Variants in VEPH1 observed in about 807,000 individuals in gnomAD.
The protein encoded by VEPH1 is ventricular zone expressed PH domain containing 1.
In VEPH1, 80 loss-of-function variants were observed where a neutral mutation model predicts 85.2. The observed-to-expected ratio is 0.94, with a 90% CI of 0.78 to 1.13. VEPH1 has a LOEUF of 1.13. Ranked by LOEUF, VEPH1 falls within the 50% of genes most tolerant of loss-of-function variation. VEPH1 has a pLI of 0.00. For synonymous variants in VEPH1, 297 were observed against 348.0 expected (o/e 0.85, Z 1.63); for missense variants, 955 against 980.5 (o/e 0.97, Z 0.35).
At position 157,282,587 on chromosome 3, in the gene VEPH1, G is replaced by A. The variant is rs148885257; in HGVS notation, c.2128+3970C>T. On this transcript the variant is annotated intron_variant, in intron 12 of 13. Transcript: ENST00000362010. ...GAGGACAGGAGTGCCAAAACTCTAA[G>A]TTGTTTTTTGTAGGGTGTAAGAACA... 2.1e-3 allele frequency among the ~76,000 whole-genome samples: 313 copies of A among 152,324 alleles called. 2 individuals are homozygous for A. The highest frequency in any genetic ancestry group is 3.0e-3 in the Non-Finnish European group (206 of 68,026).
At chr3:157,359,515 C>T (rs1217076585) in intron 9 of VEPH1, among the ~76,000 whole-genome samples, 2 of 152,154 alleles carry the variant, frequency 1.3e-5, no homozygotes, top group East Asian at 1.9e-4. Context: ...ATGACACTGC[C>T]GACCCAAACT....
intron 9 of VEPH1, among the ~76,000 whole-genome samples, chr3:157,325,739 GTAGCCTTGTAGTA>G (rs1234282773): frequency 1.3e-5 from 2 of 152,154 alleles, no homozygotes; most frequent in Non-Finnish European, 2.9e-5. Context: ...TTGGGTTACT[GTAGCCTTGTAGTA>G]TAGTTTGAAA....
chr3:157,361,524 T>C (rs1726047642), intron 9 of VEPH1, among the ~76,000 whole-genome samples: 1 of 152,228 alleles, frequency 6.6e-6, no homozygotes, highest in African/African-American at 2.4e-5. Context: ...ACTATTTTTC[T>C]TTCTGGAGGC....
At chr3:157,266,145 A>G (rs1336251053) in intron 12 of VEPH1, among the ~76,000 whole-genome samples, 1 of 150,816 alleles carries the variant, frequency 6.6e-6, no homozygotes, top group East Asian at 1.9e-4. Context: ...ATATAGCTTT[A>G]TAAATAATCA....
At chr3:157,494,745 G>A (rs954239359) in intron 2 of VEPH1, among the ~76,000 whole-genome samples, 2 of 152,096 alleles carry the variant, frequency 1.3e-5, no homozygotes, top group African/African-American at 2.4e-5. Flanking sequence ...TGGCAGCAAA[G>A]CGATCGTTGT....
intron 11 of VEPH1, among the ~76,000 whole-genome samples, chr3:157,300,076 T>C (rs1187135607): frequency 1.3e-5 from 2 of 152,206 alleles, no homozygotes; most frequent in African/African-American, 4.8e-5. Flanking sequence ...ACCCAGATCC[T>C]GAGTTTCTAG....
chr3:157,420,809 C>T (rs1732276721), intron 5 of VEPH1, among the ~76,000 whole-genome samples: 1 of 152,182 alleles, frequency 6.6e-6, no homozygotes, highest in African/African-American at 2.4e-5. Flanking sequence ...GAAGGCTTCC[C>T]TTGCCACTTC....
chr3:157,414,655 TA>T (rs1228717580), intron 5 of VEPH1, among the ~76,000 whole-genome samples: 3 of 152,206 alleles, frequency 2.0e-5, no homozygotes, highest in South Asian at 2.1e-4. Flanking sequence ...ATTATCTTAA[TA>T]TTTTTTCTTG....
intron 6 of VEPH1, among the ~76,000 whole-genome samples, chr3:157,389,628 CAGATAGATAGATAGAT>C (rs3086054): frequency 0.052 from 7,423 of 144,076 alleles, 233 homozygotes; most frequent in African/African-American, 0.095. Flanking sequence ...GATAGGTAAG[CAGATAGATAGATAGAT>C]AGATAGATAG....
intron 3 of VEPH1, among the ~76,000 whole-genome samples, chr3:157,465,780 A>G (rs1057436768): frequency 1.3e-5 from 2 of 152,206 alleles, no homozygotes; most frequent in Non-Finnish European, 2.9e-5. Flanking sequence ...AAGAGGGAAA[A>G]GTAGACACTT....
Position 157,268,516 on chromosome 3 carries a change from T to C in VEPH1, c.2129-2854A>G, listed in dbSNP as rs540900666. On this transcript the variant is annotated intron_variant, in intron 12 of 13. Transcript: ENST00000362010. ...TTTCAGGTGAGAGAAAATGGTAATC[T>C]AATTGTAATATCTGAAGGTTTTTAA... Among the ~76,000 whole-genome samples the C allele has an allele frequency of 2.8e-4, 42 of 152,358 alleles. 1 individual carries two copies. The highest frequency in any genetic ancestry group is 1.0e-3 in the African/African-American group (42 of 41,588).
chr3:157,450,679 C>T (rs1734901493), intron 4 of VEPH1, among the ~76,000 whole-genome samples: 1 of 151,810 alleles, frequency 6.6e-6, no homozygotes, highest in African/African-American at 2.4e-5. Flanking sequence ...ATTTTGTTTT[C>T]ATGAGCAAAG....
rs1482303959 is a variant in VEPH1 at position 157,386,531 on chromosome 3, C to T, written c.907-5155G>A. 2.0e-5 allele frequency among the ~76,000 whole-genome samples: 3 copies of T among 151,942 alleles called. No homozygotes were observed. In the East Asian group the frequency reaches 5.8e-4, roughly 29 times the overall value. ...AGAAAGGGAGAGGAGTGATTTTTTTCCTCCCCAGAGGGCATTTGGAGAATG... is the reference window on the plus strand; with the variant it reads ...AGAAAGGGAGAGGAGTGATTTTTTTTCTCCCCAGAGGGCATTTGGAGAATG... On this transcript the variant is annotated intron_variant, in intron 6 of 13. Coordinates refer to ENST00000362010, the MANE Select transcript of VEPH1 (RefSeq NM_001167912.2).
intron 9 of VEPH1, among the ~76,000 whole-genome samples, chr3:157,349,036 C>G (rs2108693198): frequency 6.6e-6 from 1 of 152,266 alleles, no homozygotes; most frequent in South Asian, 2.1e-4. Context: ...CAAAACCAGA[C>G]AAGGACTCAG....
In VEPH1 at chr3:157,260,922, T is replaced by C. The variant is rs961156145; in HGVS notation, c.*212A>G. The C allele has an allele frequency of 6.8e-6, 4 of 592,186 alleles. No homozygotes were observed. The highest frequency in any genetic ancestry group is 8.6e-6 in the Non-Finnish European group (3 of 348,782). 36.7% of individuals were successfully genotyped at this position (592,186 alleles called of 1,614,324 possible). ...TTATTTTATTTTATTTTTGTGGGCA[T>C]CAGATATATTCTGAAGTCAATACTA... On this transcript the variant is annotated 3_prime_UTR_variant, in exon 14 of 14. Transcript: ENST00000362010.
At chr3:157,401,732 A>AT (rs374819888) in intron 6 of VEPH1, among the ~76,000 whole-genome samples, 111 of 144,262 alleles carry the variant, frequency 7.7e-4, no homozygotes, top group Middle Eastern at 3.6e-3. Context: ...TTTTTCCTTA[A>AT]TTTTTTTTTT....
chr3:157,274,624 A>G (rs546596911), intron 12 of VEPH1, among the ~76,000 whole-genome samples: 3 of 152,210 alleles, frequency 2.0e-5, no homozygotes, highest in East Asian at 1.9e-4. Context: ...CAGCCCCCCA[A>G]GTAACTAGGA....
chr3:157,453,214 C>T (rs948518287), intron 4 of VEPH1, among the ~76,000 whole-genome samples: 2 of 152,190 alleles, frequency 1.3e-5, no homozygotes, highest in Non-Finnish European at 2.9e-5. Context: ...TTTTGGGACA[C>T]CATTGAGCCC....
intron 9 of VEPH1, among the ~76,000 whole-genome samples, chr3:157,345,266 G>T (rs1724083726): frequency 6.6e-6 from 1 of 152,096 alleles, no homozygotes; most frequent in African/African-American, 2.4e-5. Flanking sequence ...GAAAATTTTT[G>T]CAATCTACTC....
Sources: gnomAD v4.1 joint callset for allele counts (sites outside exome capture counted in the v4.1 genomes callset) on GRCh38, gnomAD v4.1.1 for gene constraint, MANE v1.5 for transcripts, NCBI Gene and HGNC (gene_info 2026-07-23, HGNC 2026-07-21) for gene names.